CDC5L: variants seen among roughly 807,000 people sequenced by gnomAD.
The protein encoded by CDC5L is cell division cycle 5-like protein.
A neutral mutation model predicts 104.1 loss-of-function variants in CDC5L; 18 were observed. The ratio of observed to expected loss-of-function variants is 0.17; its 90% CI spans 0.12 to 0.26. The LOEUF is 0.26. Ranked by LOEUF, CDC5L falls within the 10% of genes least tolerant of loss-of-function variation. The pLI is 1.00. For synonymous variants in CDC5L, 331 were observed against 322.7 expected (o/e 1.03, Z -0.28); for missense variants, 673 against 956.9 (o/e 0.70, Z 3.91).
intron 14 of CDC5L, among the ~76,000 whole-genome samples, chr6:44,438,052 G>A (rs1305537945): frequency 6.6e-6 from 1 of 152,116 alleles, no homozygotes; most frequent in Non-Finnish European, 1.5e-5. Flanking sequence ...TCAGGCTTGG[G>A]TGATTCCCGC....
chr6:44,403,140 A>G (rs574741712), intron 5 of CDC5L, among the ~76,000 whole-genome samples: 1 of 152,122 alleles, frequency 6.6e-6, no homozygotes, highest in Non-Finnish European at 1.5e-5. Context: ...CAGACTGTCC[A>G]TTTTTTGCAG....
At chr6:44,436,474 A>AG (rs1792944487) in intron 14 of CDC5L, among the ~76,000 whole-genome samples, 1 of 152,208 alleles carries the variant, frequency 6.6e-6, no homozygotes, top group Non-Finnish European at 1.5e-5. Context: ...GTGTTGAAAT[A>AG]GTTGACATAT....
chr6:44,438,538 G>A (rs937045198), intron 14 of CDC5L, among the ~76,000 whole-genome samples: 5 of 152,098 alleles, frequency 3.3e-5, no homozygotes, highest in African/African-American at 1.2e-4. Flanking sequence ...CTGAAGTTTA[G>A]CTGTGGTTGA....
intron 9 of CDC5L, 140 bp downstream of exon 9, chr6:44,419,737 A>G (rs1339983699): frequency 4.4e-6 from 3 of 677,876 alleles, no homozygotes; most frequent in Non-Finnish European, 7.6e-6. Flanking sequence ...AGTAATAAAT[A>G]ATAGTGTCCA....
chr6:44,412,869 G>A (rs12207528), intron 8 of CDC5L, among the ~76,000 whole-genome samples: 97,984 of 140,904 alleles, frequency 0.7, 35,940 homozygotes, highest in Non-Finnish European at 0.85. Context: ...TGCAAGCTCC[G>A]CCTCCCGGGT....
intron 14 of CDC5L, among the ~76,000 whole-genome samples, chr6:44,443,722 C>T (rs1793317396): frequency 6.6e-6 from 1 of 151,578 alleles, no homozygotes; most frequent in Non-Finnish European, 1.5e-5. Flanking sequence ...TGTGGAAGTT[C>T]TTAGTTTGTT....
intron 13 of CDC5L, among the ~76,000 whole-genome samples, chr6:44,428,766 C>T (rs1404990701): frequency 6.6e-6 from 1 of 152,160 alleles, no homozygotes; most frequent in Non-Finnish European, 1.5e-5. Flanking sequence ...GGTTTATGAT[C>T]TATCATCTAA....
chr6:44,425,171 C>G (rs565483823), intron 11 of CDC5L, among the ~76,000 whole-genome samples: 1 of 152,250 alleles, frequency 6.6e-6, no homozygotes, highest in African/African-American at 2.4e-5. Context: ...TAAATAGGAT[C>G]GGTATTACAG....
intron 9 of CDC5L, among the ~76,000 whole-genome samples, chr6:44,419,802 C>T (rs1317462673): frequency 6.6e-6 from 1 of 152,050 alleles, no homozygotes; most frequent in African/African-American, 2.4e-5. Context: ...GATGGAGTCT[C>T]GCTCTGTTAC....
At chr6:44,435,266 T>C (rs1355410743) in intron 14 of CDC5L, among the ~76,000 whole-genome samples, 1 of 152,036 alleles carries the variant, frequency 6.6e-6, no homozygotes, top group Admixed American at 6.6e-5. Context: ...TTTTTCTGTA[T>C]AATTTTTTTG....
chr6:44,396,413 C>G lies in CDC5L; in HGVS notation c.512C>G (p.Ala171Gly). 1 of 1,611,126 alleles carries G rather than the reference C, an allele frequency of 6.2e-7. No homozygotes were observed. Among genetic ancestry groups the G allele is most frequent in the South Asian group, 1.1e-5 (1 of 90,770 alleles). The stretch of plus-strand genomic sequence containing the variant: ...CAGGGAAAGAAGGCCAAGAGGAAAG[C>G]AAGAGAGAAACAATTGGAAGAAGCA... ...NTQGKKAKRK[A>G]REKQLEEARR... The change falls in exon 5 of 16, where the codon GCA becomes GGA. Residue 171 changes from alanine (A) to glycine (G), a missense_variant. By Grantham distance (60) the Ala-to-Gly change is moderately conservative. Around this residue, in one of 4 missense-constraint regions of CDC5L, gnomAD observed 8 missense variants for 40.4 expected, o/e 0.20. Transcript: ENST00000371477.
chr6:44,427,663 A>G (rs934374987), intron 13 of CDC5L, among the ~76,000 whole-genome samples: 4 of 152,208 alleles, frequency 2.6e-5, no homozygotes, highest in Non-Finnish European at 5.9e-5. Context: ...TGATTTCAGA[A>G]TAACTGAGTC....
intron 1 of CDC5L, 90 bp downstream of exon 1, chr6:44,387,958 A>AC: frequency 7.7e-7 from 1 of 1,294,334 alleles, no homozygotes; most frequent in Non-Finnish European, 1.1e-6. Flanking sequence ...CGACGAGGAG[A>AC]CCCTGTGGGG....
intron 11 of CDC5L, among the ~76,000 whole-genome samples, chr6:44,425,689 ATG>A (rs1324324240): frequency 6.6e-6 from 1 of 152,172 alleles, no homozygotes; most frequent in East Asian, 1.9e-4. Context: ...TGAAATTTTA[ATG>A]TGTTATCCCA....
chr6:44,410,746 CT>C (rs1336273354), intron 8 of CDC5L, among the ~76,000 whole-genome samples: 1 of 152,126 alleles, frequency 6.6e-6, no homozygotes, highest in Non-Finnish European at 1.5e-5. Flanking sequence ...TGGTGAAGGT[CT>C]TTTTCAACCA....
intron 5 of CDC5L, among the ~76,000 whole-genome samples, chr6:44,401,717 A>T (rs1372958811): frequency 2.6e-5 from 4 of 151,468 alleles, no homozygotes; most frequent in African/African-American, 9.7e-5. Flanking sequence ...GGTTAGTTAC[A>T]TATGTATACA....
intron 8 of CDC5L, among the ~76,000 whole-genome samples, chr6:44,415,682 C>T (rs1339591975): frequency 2.0e-5 from 3 of 152,126 alleles, no homozygotes; most frequent in Non-Finnish European, 2.9e-5. Flanking sequence ...ACATCTCTTG[C>T]ACACATCATT....
At chr6:44,419,258 A>T (rs1283514221) in intron 8 of CDC5L, among the ~76,000 whole-genome samples, 191 bp from the exon 9 acceptor site, 3 of 152,194 alleles carry the variant, frequency 2.0e-5, no homozygotes, top group Non-Finnish European at 2.9e-5. Context: ...TTCTAATGTG[A>T]TGTGTTAGAT....
At chr6:44,442,372 A>C (rs903967845) in intron 14 of CDC5L, among the ~76,000 whole-genome samples, 1 of 133,418 alleles carries the variant, frequency 7.5e-6, no homozygotes, top group Non-Finnish European at 1.6e-5. Flanking sequence ...GTGTGTGTGT[A>C]TGTTGTGTGT....
Sources: gnomAD v4.1 joint callset for allele counts (sites outside exome capture counted in the v4.1 genomes callset) on GRCh38, gnomAD v4.1.1 for gene constraint, gnomAD v4.1.1 regional missense constraint, MANE v1.5 for transcripts, NCBI Gene and HGNC (gene_info 2026-07-23, HGNC 2026-07-21) for gene names.